SPATA16: variants seen among roughly 807,000 people sequenced by gnomAD.
SPATA16 encodes the protein spermatogenesis-associated protein 16.
Under a neutral mutation model 63.3 loss-of-function variants are expected in SPATA16, and 36 were observed. The observed-to-expected ratio is 0.57, with a 90% CI of 0.44 to 0.75. SPATA16 has a LOEUF of 0.75. Ranked by LOEUF, SPATA16 falls within the 30% of genes least tolerant of loss-of-function variation. The probability of loss-of-function intolerance (pLI) is 0.00; values close to 1 mark genes in which losing one functional copy is unlikely to be tolerated. For synonymous variants in SPATA16, 203 were observed against 216.7 expected, an observed-to-expected ratio of 0.94 and a Z score of 0.56; for missense variants, 646 against 679.3, an observed-to-expected ratio of 0.95 and a Z score of 0.54.
At chr3:172,898,897 T>A (rs993817230) in intron 10 of SPATA16, among the ~76,000 whole-genome samples, 1 of 151,912 alleles carries the variant, frequency 6.6e-6, no homozygotes, top group African/African-American at 2.4e-5. Context: ...CCACAAATTT[T>A]GATATATTTT....
In SPATA16 at chr3:172,980,704, C is replaced by T. The variant is rs555177251; in HGVS notation, c.849-3652G>A. On this transcript the variant is annotated intron_variant, in intron 4 of 10. Transcript: ENST00000351008. ...CTCTTCTAGTTTCTTTTCTCTCTTT[C>T]CATTTCTCATTTTCTCCTGGAGCTT... Among the ~76,000 whole-genome samples, 4 of 152,266 alleles carry T rather than the reference C, an allele frequency of 2.6e-5. No individual in the cohort carries two copies. In the South Asian group the frequency reaches 6.2e-4, roughly 24 times the overall value.
At chr3:173,126,983 T>C (rs1738244305) in intron 1 of SPATA16, among the ~76,000 whole-genome samples, 1 of 152,232 alleles carries the variant, frequency 6.6e-6, no homozygotes, top group Non-Finnish European at 1.5e-5. Context: ...ATTTAGTTAA[T>C]TATTCTCAAA....
chr3:172,929,063 T>C (rs1732805529), intron 6 of SPATA16, among the ~76,000 whole-genome samples: 1 of 152,222 alleles, frequency 6.6e-6, no homozygotes, highest in Non-Finnish European at 1.5e-5. Context: ...GATATAAAAG[T>C]TAACCAGATT....
At chr3:173,125,876 G>T (rs1362867853) in intron 1 of SPATA16, among the ~76,000 whole-genome samples, 1 of 152,174 alleles carries the variant, frequency 6.6e-6, no homozygotes, top group East Asian at 1.9e-4. Flanking sequence ...TGGAAAAATT[G>T]ATGATGGTAT....
chr3:172,984,323 T>C (rs1362389149), intron 4 of SPATA16, among the ~76,000 whole-genome samples: 1 of 152,156 alleles, frequency 6.6e-6, no homozygotes, highest in African/African-American at 2.4e-5. Context: ...CATCTGGTAA[T>C]AGTTGTTGCT....
chr3:173,031,204 G>T (rs1174168471), intron 3 of SPATA16, among the ~76,000 whole-genome samples: 1 of 150,904 alleles, frequency 6.6e-6, no homozygotes, highest in East Asian at 1.9e-4. Flanking sequence ...CTTAACACTG[G>T]GTAAGATCGT....
intron 6 of SPATA16, among the ~76,000 whole-genome samples, chr3:172,926,646 G>A (rs1397543735): frequency 6.6e-6 from 1 of 152,150 alleles, no homozygotes; most frequent in Non-Finnish European, 1.5e-5. Context: ...AGTTACTTTT[G>A]GGGTAGGGAT....
intron 1 of SPATA16, among the ~76,000 whole-genome samples, chr3:173,119,517 T>G (rs956646329): frequency 1.3e-5 from 2 of 152,220 alleles, no homozygotes; most frequent in Admixed American, 1.3e-4. Context: ...CTTTGTTATC[T>G]CATATGAATG....
intron 1 of SPATA16, among the ~76,000 whole-genome samples, chr3:173,137,848 CACACACACACACACACACACACACAG>C (rs1348049824): frequency 6.6e-6 from 1 of 150,672 alleles, no homozygotes; most frequent in Admixed American, 6.6e-5. Flanking sequence ...CACACACACA[CACACACACACACACACACACACACAG>C]ACACACACAC....
intron 4 of SPATA16, among the ~76,000 whole-genome samples, chr3:172,999,650 T>C (rs899481660): frequency 2.4e-4 from 36 of 152,070 alleles, no homozygotes; most frequent in African/African-American, 7.7e-4. Flanking sequence ...CTGACCTCAG[T>C]TGATCCGCCC....
intron 3 of SPATA16, among the ~76,000 whole-genome samples, chr3:173,047,335 A>T (rs1217465015): frequency 6.6e-6 from 1 of 151,936 alleles, no homozygotes; most frequent in Admixed American, 6.6e-5. Flanking sequence ...TCAAAAATTC[A>T]TCAAAATAAT....
chr3:172,907,267 T>C (rs1577084393), intron 10 of SPATA16, among the ~76,000 whole-genome samples: 1 of 152,222 alleles, frequency 6.6e-6, no homozygotes, highest in Admixed American at 6.5e-5. Flanking sequence ...TGTTTTCTTA[T>C]ACTAGTCTCC....
intron 2 of SPATA16, among the ~76,000 whole-genome samples, chr3:173,115,689 C>T (rs1199958333): frequency 3.9e-5 from 6 of 152,012 alleles, no homozygotes; most frequent in Admixed American, 1.3e-4. Flanking sequence ...TGTTTTTGTA[C>T]GTAGCACCTT....
rs375848846 is a variant in SPATA16, at chr3:172,914,892, A to T, written c.1504-1148T>A. Among the ~76,000 whole-genome samples, 89 of 152,184 alleles carry T rather than the reference A, an allele frequency of 5.8e-4. No individual in the cohort carries two copies. The South Asian group carries it at 0.011, about 18-fold the overall frequency. On this transcript the variant is annotated intron_variant, in intron 9 of 10. Coordinates refer to ENST00000351008, the MANE Select transcript of SPATA16 (RefSeq NM_031955.6). ...AATAAGTATTTCCAGTAAAAAAAAA[A>T]ATATAGATGTGTGATTAAGAAGACT...
intron 4 of SPATA16, among the ~76,000 whole-genome samples, chr3:173,010,758 A>G (rs1577130656): frequency 1.3e-5 from 2 of 151,816 alleles, no homozygotes; most frequent in South Asian, 4.2e-4. Context: ...ACTTCCGAAA[A>G]TCGTACCCCA....
At chr3:172,939,494 C>G (rs1282576533) in intron 6 of SPATA16, among the ~76,000 whole-genome samples, 1 of 152,038 alleles carries the variant, frequency 6.6e-6, no homozygotes, top group Non-Finnish European at 1.5e-5. Context: ...GCTGCAAACC[C>G]AAAATCTTAT....
rs145258513 is a variant in SPATA16, at chr3:172,911,286, G to A, written c.1587+2375C>T. On this transcript the variant is annotated intron_variant, in intron 10 of 10. Coordinates refer to ENST00000351008, the MANE Select transcript of SPATA16 (RefSeq NM_031955.6). ...GGTGGGTCAGTGGCCCCTTCTTGGA[G>A]GTTTGGGTCCCAGCCCTTCAGGACT... 7.9e-5 allele frequency among the ~76,000 whole-genome samples: 12 copies of A among 152,294 alleles called. No homozygotes were observed. The East Asian group carries it at 1.9e-3, about 25-fold the overall frequency.
intron 3 of SPATA16, among the ~76,000 whole-genome samples, chr3:173,021,632 G>A (rs1316752339): frequency 6.6e-6 from 1 of 152,122 alleles, no homozygotes; most frequent in Non-Finnish European, 1.5e-5. Context: ...AGGTAAGTCA[G>A]AGTAGCTGAG....
chr3:173,070,951 T>TA (rs1197784273), intron 2 of SPATA16, among the ~76,000 whole-genome samples: 3 of 151,974 alleles, frequency 2.0e-5, no homozygotes, highest in East Asian at 1.9e-4. Flanking sequence ...AACAGAAATA[T>TA]AAAAAACAAT....
Sources: allele counts gnomAD v4.1 joint callset (sites outside exome capture counted in the v4.1 genomes callset), GRCh38; gene constraint gnomAD v4.1.1; transcripts MANE v1.5; gene names NCBI Gene and HGNC (gene_info 2026-07-23, HGNC 2026-07-21).